AGA: variants seen among roughly 807,000 people sequenced by gnomAD.
AGA encodes the protein N(4)-(beta-N-acetylglucosaminyl)-L-asparaginase.
AGA carries 31 observed loss-of-function variants against 40.1 expected under a neutral mutation model. The ratio of observed to expected loss-of-function variants is 0.77; its 90% confidence interval spans 0.58 to 1.04. AGA has a LOEUF of 1.04. Among genes scored for constraint, AGA ranks in the 50% least tolerant of loss-of-function variants. The probability of loss-of-function intolerance (pLI) is 0.00; values close to 1 mark genes in which losing one functional copy is unlikely to be tolerated. For synonymous variants in AGA, 148 were observed against 144.0 expected, an observed-to-expected ratio of 1.03 and a Z score of -0.20; for missense variants, 445 against 435.4, an observed-to-expected ratio of 1.02 and a Z score of -0.20.
At chr4:177,432,304 C>T (rs1355291145) in intron 8 of AGA, among the ~76,000 whole-genome samples, 1 of 152,046 alleles carries the variant, frequency 6.6e-6, no homozygotes, top group African/African-American at 2.4e-5. Context: ...GGGGGAGGGT[C>T]CTCTTTGGTC....
rs1201029335 is a variant in AGA at position 177,431,297 on chromosome 4, C to A, written c.*411G>T. ...ATAATGAAATTCAATCAGGACTGAT[C>A]ATGCTGAGACTCTGCTGTTTTTTTC... On this transcript the variant is annotated 3_prime_UTR_variant, in exon 9 of 9. Transcript: ENST00000264595. 2.2e-6 allele frequency: 1 copy of A among 446,404 alleles called. No individual in the cohort carries two copies. The highest frequency in any genetic ancestry group is 2.0e-5 in the African/African-American group (1 of 49,584). 27.7% of individuals were successfully genotyped at this position (446,404 alleles called of 1,614,324 possible).
intron 6 of AGA, among the ~76,000 whole-genome samples, chr4:177,435,990 G>A (rs113221810): frequency 9.9e-5 from 15 of 152,198 alleles, no homozygotes; most frequent in African/African-American, 1.4e-4. Flanking sequence ...CAGTAGGAGC[G>A]CTGAACCTCA....
intron 6 of AGA, among the ~76,000 whole-genome samples, 188 bp downstream of exon 6, chr4:177,436,087 CT>C (rs886693802): frequency 1.3e-5 from 2 of 152,200 alleles, no homozygotes; most frequent in Non-Finnish European, 2.9e-5. Context: ...TCTGCCACCC[CT>C]AAACCCTATA....
intron 7 of AGA, 120 bp from the exon 8 acceptor site, chr4:177,433,467 T>A (rs1459784893): frequency 3.9e-5 from 45 of 1,145,518 alleles, no homozygotes; most frequent in Non-Finnish European, 5.7e-5. Flanking sequence ...TACACATAAA[T>A]GAACAAGAGT....
At chr4:177,438,091 C>T (rs1736882446) in intron 4 of AGA, among the ~76,000 whole-genome samples, 1 of 152,086 alleles carries the variant, frequency 6.6e-6, no homozygotes. Flanking sequence ...GAAACCTATT[C>T]CTATTCCTCA....
intron 3 of AGA, among the ~76,000 whole-genome samples, chr4:177,439,322 C>G (rs6830102): frequency 6.6e-6 from 1 of 152,204 alleles, no homozygotes; most frequent in African/African-American, 2.4e-5. Context: ...CAGAGGTTGT[C>G]GGGAGCTGAG....
intron 7 of AGA, among the ~76,000 whole-genome samples, chr4:177,433,844 G>A (rs1256387581): frequency 6.6e-6 from 1 of 151,660 alleles, no homozygotes; most frequent in African/African-American, 2.4e-5. Context: ...TGGGAAGCAG[G>A]GTGAGAAATA....
Position 177,440,275 on chromosome 4 carries a change from A to G in AGA, c.279T>C (p.Asp93=), listed in dbSNP as rs764053416. The change falls in exon 2 of 9, where the codon GAT becomes GAC. Residue 93 remains aspartate (D), a splice_region_variant and synonymous_variant. Transcript: ENST00000264595. The part of the protein sequence containing the change: ...GETTLDAMIM[D]GTTMDVGAVG... Reference sequence around the variant, plus strand: ...TAGGACCTGAACGGTGTTCTTACCCATCCATGATCATGGCATCTAGTGTGG... The same window carrying G: ...TAGGACCTGAACGGTGTTCTTACCCGTCCATGATCATGGCATCTAGTGTGG... 1 of 1,613,530 alleles carries G rather than the reference A, an allele frequency of 6.2e-7. No homozygotes were observed. Among genetic ancestry groups the G allele is most frequent in the African/African-American group, 1.3e-5 (1 of 74,720 alleles).
At chr4:177,436,252 C>T in intron 6 of AGA, 24 bp downstream of exon 6, 1 of 1,582,808 alleles carries the variant, frequency 6.3e-7, no homozygotes. Context: ...TATTTGAGAG[C>T]TCTGTTCTTT....
chr4:177,438,901 T>C (rs1736905469), intron 3 of AGA, 44 bp from the exon 4 acceptor site: 1 of 1,214,238 alleles, frequency 8.2e-7, no homozygotes, highest in African/African-American at 1.5e-5. Flanking sequence ...TCAAGTATTG[T>C]CTTTTCAACA....
At position 177,442,407 on chromosome 4, in the gene AGA, A is replaced by G. The variant is rs1281961001; in HGVS notation, c.-32T>C. The G allele has an allele frequency of 1.2e-6, 2 of 1,613,432 alleles. No homozygotes were observed. Among genetic ancestry groups the G allele is most frequent in the African/African-American group, 2.7e-5 (2 of 74,926 alleles). On this transcript the variant is annotated 5_prime_UTR_variant, in exon 1 of 9. Coordinates refer to ENST00000264595, the MANE Select transcript of AGA (RefSeq NM_000027.4). ...CCACCGAAGAGACCAGCGCGAGAAA[A>G]GTCCCGGCAGCCAGCGATCGCCGAA...
At position 177,442,313 on chromosome 4, in the gene AGA, C is replaced by T. The variant is rs1737061654; in HGVS notation, c.63G>A (p.Val21=). Residue 21 remains valine (V), a synonymous_variant, in exon 1 of 9, where the codon GTG becomes GTA. Coordinates refer to ENST00000264595, the MANE Select transcript of AGA (RefSeq NM_000027.4). ...LVPFLLCQAL[V]RCSSPLPLVV... The stretch of plus-strand genomic sequence containing the variant: ...CCAGGGGCAGAGGGCTGGAGCAGCG[C>T]ACTAGGGCCTGGCAGAGCAGAAACG... The T allele has an allele frequency of 6.2e-6, 10 of 1,614,142 alleles. No individual in the cohort carries two copies. Among genetic ancestry groups the T allele is most frequent in the South Asian group, 1.1e-5 (1 of 91,088 alleles).
Position 177,439,565 on chromosome 4 carries a change from TAAAA to T in AGA, c.394+7_394+10del, listed in dbSNP as rs761207366. 1 of 1,597,138 alleles carries T rather than the reference TAAAA, an allele frequency of 6.3e-7. No individual in the cohort carries two copies. The highest frequency in any genetic ancestry group is 8.6e-7 in the Non-Finnish European group (1 of 1,164,576). On this transcript the variant is annotated splice_region_variant and intron_variant, in intron 3 of 8. Transcript: ENST00000264595. ...AGACTAGAAAAAATTTCAGTGTAGT[TAAAA>T]AAATACCTGACTCTCCTACTAAAAG...
At position 177,436,336 on chromosome 4, in the gene AGA, T is replaced by C. The variant is rs767924247; in HGVS notation, c.638A>G (p.His213Arg). The C allele has an allele frequency of 2.5e-6, 4 of 1,613,468 alleles. No individual in the cohort carries two copies. The highest frequency in any genetic ancestry group is 2.7e-5 in the African/African-American group (2 of 75,014). ...ACCAGCAGCAATATGTCCTGTCTTA[T>C]GGATTACAACCATGCCTAGAAGTTA... Reference protein sequence around the residue: ...GHDTIGMVVIHKTGHIAAGTS... With the variant: ...GHDTIGMVVIRKTGHIAAGTS... The change falls in exon 6 of 9, where the codon CAT (histidine) becomes CGT (arginine). Residue 213 changes from histidine to arginine, a missense_variant. Coordinates refer to ENST00000264595, the MANE Select transcript of AGA (RefSeq NM_000027.4).
chr4:177,436,692 G>A (rs2111014303), intron 5 of AGA, among the ~76,000 whole-genome samples: 1 of 152,314 alleles, frequency 6.6e-6, no homozygotes, highest in Admixed American at 6.5e-5. Flanking sequence ...CCAGCGCCTT[G>A]ACCTTGAACT....
At chr4:177,434,582 CCT>C in intron 6 of AGA, 93 bp from the exon 7 acceptor site, 1 of 995,788 alleles carries the variant, frequency 1.0e-6, no homozygotes, top group Non-Finnish European at 1.6e-6. Context: ...TTCCACTTAG[CCT>C]CTGATACCGT....
chr4:177,431,826 A>G lies in AGA; in HGVS notation c.941-18T>C. ...AGCAGCACCTGGGGCCAAAAATGAGAAAGAAGTTTGGTGAACTATAGGATG... is the reference window on the plus strand; with the variant it reads ...AGCAGCACCTGGGGCCAAAAATGAGGAAGAAGTTTGGTGAACTATAGGATG... On this transcript the variant is annotated intron_variant, in intron 8 of 8. Coordinates refer to ENST00000264595, the MANE Select transcript of AGA (RefSeq NM_000027.4). 6.3e-7 allele frequency: 1 copy of G among 1,599,330 alleles called. No individual in the cohort carries two copies. Among genetic ancestry groups the G allele is most frequent in the Non-Finnish European group, 8.6e-7 (1 of 1,166,908 alleles).
Position 177,439,706 on chromosome 4 carries a change from G to A in AGA, c.282-18C>T, listed in dbSNP as rs1301398522. ...TAGTAGTGCTGCAAGAAAATAGAAT[G>A]CAGTTAGGAATTAAGGAGTTTTCAG... On this transcript the variant is annotated intron_variant, in intron 2 of 8. Transcript: ENST00000264595. 2 of 1,547,442 alleles carry A rather than the reference G, an allele frequency of 1.3e-6. No individual in the cohort carries two copies. The highest frequency in any genetic ancestry group is 2.2e-5 in the South Asian group (2 of 89,896).
chr4:177,436,767 T>C (rs957620585), intron 5 of AGA, among the ~76,000 whole-genome samples: 22 of 152,262 alleles, frequency 1.4e-4, no homozygotes, highest in Admixed American at 6.5e-4. Context: ...TCTGGGTATT[T>C]TGTTAACTGC....
Sources: allele counts gnomAD v4.1 joint callset (sites outside exome capture counted in the v4.1 genomes callset), GRCh38; gene constraint gnomAD v4.1.1; transcripts MANE v1.5; gene names NCBI Gene and HGNC (gene_info 2026-07-23, HGNC 2026-07-21).